ZRANB3: variants seen among roughly 807,000 people sequenced by gnomAD.
The protein encoded by ZRANB3 is DNA annealing helicase and endonuclease ZRANB3.
Under a neutral mutation model 133.8 loss-of-function variants are expected in ZRANB3, and 125 were observed. The observed-to-expected ratio is 0.93, with a 90% CI of 0.81 to 1.08. The LOEUF is 1.08. Ranked by LOEUF, ZRANB3 falls within the 50% of genes least tolerant of loss-of-function variation. The pLI, the probability that ZRANB3 is intolerant of heterozygous loss-of-function variation, is 0.00. For missense variants in ZRANB3, 1,229 were observed against 1,275.5 expected, an observed-to-expected ratio of 0.96 and a Z score of 0.56; for synonymous variants, 387 against 432.7, an observed-to-expected ratio of 0.89 and a Z score of 1.31.
chr2:135,322,074 G>C (rs925680946), intron 6 of ZRANB3, among the ~76,000 whole-genome samples: 1 of 152,070 alleles, frequency 6.6e-6, no homozygotes, highest in African/African-American at 2.4e-5. Flanking sequence ...TATGGTTTGG[G>C]TTTCTTCTTT....
At position 135,232,485 on chromosome 2, in the gene ZRANB3, C is replaced by T. The variant is rs190488378; in HGVS notation, c.1540-1558G>A. Among the ~76,000 whole-genome samples the T allele has an allele frequency of 2.9e-3, 447 of 152,300 alleles. 3 individuals carry two copies. The highest frequency in any genetic ancestry group is 0.01 in the African/African-American group (416 of 41,564). ...ATGCAGCTGGAGATCTGAGAATGGACAGACTGCCTCCTTAAGTGGGTCCCT... is the reference window on the plus strand; with the variant it reads ...ATGCAGCTGGAGATCTGAGAATGGATAGACTGCCTCCTTAAGTGGGTCCCT... On this transcript the variant is annotated intron_variant, in intron 12 of 20. Coordinates refer to ENST00000264159, the MANE Select transcript of ZRANB3 (RefSeq NM_032143.4).
At chr2:135,500,111 A>G (rs993379701) in intron 2 of ZRANB3, among the ~76,000 whole-genome samples, 3 of 152,108 alleles carry the variant, frequency 2.0e-5, no homozygotes, top group Admixed American at 6.6e-5. Context: ...CCCTGCCCAC[A>G]CCTTAATTTT....
rs191634895 is a variant in ZRANB3 at position 135,225,538 on chromosome 2, C to T, written c.2159-1021G>A. ...ATGGCATTTTACAATCATTGCTGGC[C>T]ATGTGGCAGTTGTAAAATAGTTGTC... On this transcript the variant is annotated intron_variant, in intron 14 of 20. Coordinates refer to ENST00000264159, the MANE Select transcript of ZRANB3 (RefSeq NM_032143.4). 9.8e-4 allele frequency among the ~76,000 whole-genome samples: 149 copies of T among 152,286 alleles called. 1 individual carries two copies. The highest frequency in any genetic ancestry group is 2.2e-3 in the Admixed American group (34 of 15,296).
At chr2:135,498,065 T>TAATA (rs146727358) in intron 2 of ZRANB3, among the ~76,000 whole-genome samples, 6,531 of 149,534 alleles carry the variant, frequency 0.044, 271 homozygotes, top group African/African-American at 0.11. Context: ...AAATAATAAA[T>TAATA]AATAAATAAA....
intron 8 of ZRANB3, among the ~76,000 whole-genome samples, chr2:135,288,294 T>C (rs1681491939): frequency 6.6e-6 from 1 of 152,178 alleles, no homozygotes; most frequent in African/African-American, 2.4e-5. Flanking sequence ...CACTTGATCA[T>C]GGTGGATTAT....
intron 1 of ZRANB3, among the ~76,000 whole-genome samples, chr2:135,520,832 G>A (rs1693906386): frequency 6.6e-6 from 1 of 151,862 alleles, no homozygotes; most frequent in Non-Finnish European, 1.5e-5. Context: ...TTGTGATAGG[G>A]TCTCATTACA....
chr2:135,468,998 A>T lies in ZRANB3; in HGVS notation c.161+35331T>A, dbSNP rs956773340. 9.8e-5 allele frequency among the ~76,000 whole-genome samples: 15 copies of T among 152,338 alleles called. 1 individual carries two copies. The highest frequency in any genetic ancestry group is 3.6e-4 in the African/African-American group (15 of 41,572). ...ACCATACACGTTAAAGTATTAAATT[A>T]TAAAAAATAAAGATGTCACATAAAT... On this transcript the variant is annotated intron_variant, in intron 2 of 20. Coordinates refer to ENST00000264159, the MANE Select transcript of ZRANB3 (RefSeq NM_032143.4).
intron 12 of ZRANB3, among the ~76,000 whole-genome samples, chr2:135,244,178 AC>A (rs1695682147): frequency 1.3e-5 from 2 of 152,038 alleles, no homozygotes; most frequent in Admixed American, 6.6e-5. Context: ...AAACAGAACA[AC>A]AAAGAAGGCT....
At chr2:135,513,497 T>C (rs1693563921) in intron 1 of ZRANB3, among the ~76,000 whole-genome samples, 1 of 152,104 alleles carries the variant, frequency 6.6e-6, no homozygotes, top group Non-Finnish European at 1.5e-5. Flanking sequence ...CTGAGACAAC[T>C]AGATGTTCAT....
intron 3 of ZRANB3, among the ~76,000 whole-genome samples, chr2:135,389,980 A>C (rs1442026862): frequency 1.4e-5 from 2 of 140,012 alleles, no homozygotes; most frequent in African/African-American, 2.7e-5. Context: ...TCCTGGGTTC[A>C]TGCCATTCTC....
At chr2:135,417,790 G>A (rs1308009539) in intron 2 of ZRANB3, among the ~76,000 whole-genome samples, 1 of 152,186 alleles carries the variant, frequency 6.6e-6, no homozygotes, top group Non-Finnish European at 1.5e-5. Flanking sequence ...CATAAAAAGT[G>A]ATGAGTTCAT....
At chr2:135,453,157 G>T (rs1559009190) in intron 2 of ZRANB3, among the ~76,000 whole-genome samples, 2 of 152,242 alleles carry the variant, frequency 1.3e-5, no homozygotes, top group African/African-American at 2.4e-5. Flanking sequence ...ACCCTCTGAA[G>T]CCATAGCCCA....
At chr2:135,337,906 C>T (rs1373960942) in intron 6 of ZRANB3, among the ~76,000 whole-genome samples, 2 of 152,066 alleles carry the variant, frequency 1.3e-5, no homozygotes, top group South Asian at 4.1e-4. Context: ...CTGTTTTGCT[C>T]ATGATTTTTA....
intron 15 of ZRANB3, among the ~76,000 whole-genome samples, chr2:135,220,439 C>A (rs1402092064): frequency 1.3e-5 from 2 of 151,888 alleles, no homozygotes; most frequent in Admixed American, 6.6e-5. Context: ...GTGGCTCATG[C>A]CTGTACTCCC....
chr2:135,337,976 A>G (rs1684443409), intron 6 of ZRANB3, among the ~76,000 whole-genome samples: 2 of 152,224 alleles, frequency 1.3e-5, no homozygotes, highest in Admixed American at 1.3e-4. Flanking sequence ...CACTTAGTTC[A>G]GCCATTTTAT....
intron 1 of ZRANB3, among the ~76,000 whole-genome samples, chr2:135,507,909 C>T (rs752965146): frequency 1.5e-4 from 22 of 151,326 alleles, no homozygotes; most frequent in Non-Finnish European, 2.5e-4. Flanking sequence ...CACTGCACTC[C>T]AGCATGGATG....
intron 12 of ZRANB3, among the ~76,000 whole-genome samples, chr2:135,234,102 T>A (rs1465564431): frequency 6.6e-6 from 1 of 152,062 alleles, no homozygotes; most frequent in Non-Finnish European, 1.5e-5. Flanking sequence ...GAGGAAGATC[T>A]ACCAAGCAAA....
At chr2:135,293,571 A>C (rs370838991) in intron 8 of ZRANB3, among the ~76,000 whole-genome samples, 17 of 152,062 alleles carry the variant, frequency 1.1e-4, no homozygotes, top group Admixed American at 9.8e-4. Flanking sequence ...TCTTTTCCTA[A>C]TTGAATGCCC....
intron 3 of ZRANB3, among the ~76,000 whole-genome samples, chr2:135,370,326 C>T (rs961410218): frequency 4.0e-5 from 6 of 151,868 alleles, no homozygotes; most frequent in East Asian, 1.9e-4. Flanking sequence ...ATCCTTCACC[C>T]GCTTCCCACC....
Sources: gnomAD v4.1 joint callset for allele counts (sites outside exome capture counted in the v4.1 genomes callset) on GRCh38, gnomAD v4.1.1 for gene constraint, MANE v1.5 for transcripts, NCBI Gene and HGNC (gene_info 2026-07-23, HGNC 2026-07-21) for gene names.